Variants in STK32A observed in about 807,000 individuals in gnomAD.
STK32A encodes the protein serine/threonine kinase 32A.
In STK32A, 41 loss-of-function variants were observed where a neutral mutation model predicts 53.2. The ratio of observed to expected loss-of-function variants is 0.77; its 90% CI spans 0.60 to 1.00. The LOEUF is 1.00. Ranked by LOEUF, STK32A falls within the 50% of genes least tolerant of loss-of-function variation. The pLI is 0.00. For missense variants in STK32A, 458 were observed against 485.8 expected, an observed-to-expected ratio of 0.94 and a Z score of 0.54; for synonymous variants, 166 against 162.8, an observed-to-expected ratio of 1.02 and a Z score of -0.15.
chr5:147,296,370 A>C (rs1752865498), intron 4 of STK32A, among the ~76,000 whole-genome samples: 1 of 151,550 alleles, frequency 6.6e-6, no homozygotes, highest in Admixed American at 6.6e-5. Flanking sequence ...TTGGAGTTTT[A>C]TATGTTGGCA....
At chr5:147,320,746 T>C in intron 4 of STK32A, among the ~76,000 whole-genome samples, 1 of 152,190 alleles carries the variant, frequency 6.6e-6, no homozygotes, top group African/African-American at 2.4e-5. Flanking sequence ...AACCAGGTAC[T>C]GGACAGCATC....
At chr5:147,374,223 G>T in intron 10 of STK32A, among the ~76,000 whole-genome samples, 1 of 143,986 alleles carries the variant, frequency 6.9e-6, no homozygotes, top group Admixed American at 7.3e-5. Context: ...AGGAGTTTGA[G>T]GCTGCATGAG....
intron 11 of STK32A, among the ~76,000 whole-genome samples, chr5:147,376,975 T>A (rs1293830784): frequency 1.3e-5 from 2 of 152,128 alleles, no homozygotes; most frequent in Non-Finnish European, 2.9e-5. Flanking sequence ...CAAACTGACA[T>A]CTGTTATGAA....
At position 147,278,167 on chromosome 5, in the gene STK32A, C is replaced by A; in HGVS notation, c.96C>A (p.Gly32=). Residue 32 remains glycine (G), a synonymous_variant, in exon 3 of 13, where the codon GGC becomes GGA. Transcript: ENST00000397936. ...AAATTTTGCGAGCCATTGGGAAAGG[C>A]AGTTTTGGGAAGGTGAGAACAAATT... ...HFEILRAIGK[G]SFGKVCIVQK... is the part of the protein sequence containing the mutation. 1 of 1,600,064 alleles carries A rather than the reference C, an allele frequency of 6.2e-7. No individual in the cohort carries two copies.
At chr5:147,344,080 G>C (rs1465230152) in intron 6 of STK32A, among the ~76,000 whole-genome samples, 1 of 152,170 alleles carries the variant, frequency 6.6e-6, no homozygotes, top group Non-Finnish European at 1.5e-5. Context: ...AATGTTAACA[G>C]TGTCAATAAG....
the STK32A span, chr5:147,393,502 C>T: frequency 6.5e-6 from 1 of 153,386 alleles, no homozygotes; most frequent in African/African-American, 2.4e-5. Flanking sequence ...GTGACAGCTG[C>T]CACAGCGGCT....
Position 147,383,464 on chromosome 5 carries a change from T to C in STK32A, c.1056T>C (p.Leu352=). 1 of 1,598,906 alleles carries C rather than the reference T, an allele frequency of 6.3e-7. No homozygotes were observed. ...SSQTCLLQEH[L]DSVQKEFIIF... ...AGACATGTCTTCTTCAAGAGCACCT[T>C]GACTCTGTCCAGAAGGAGTTCATAA... The change falls in exon 12 of 13, where the codon CTT becomes CTC. Residue 352 remains leucine, a synonymous_variant. Transcript: ENST00000397936.
At chr5:147,401,836 C>T in the STK32A span, 9 of 961,158 alleles carry the variant, frequency 9.4e-6, no homozygotes, top group Non-Finnish European at 1.3e-5. Flanking sequence ...CATGTTCCCA[C>T]CTTTTTAAAG....
At chr5:147,260,677 C>T (rs1754522137) in intron 2 of STK32A, among the ~76,000 whole-genome samples, 1 of 152,102 alleles carries the variant, frequency 6.6e-6, no homozygotes, top group East Asian at 1.9e-4. Context: ...CTCTGATGGT[C>T]CTTTACACAC....
At chr5:147,259,422 T>G (rs1010029643) in intron 2 of STK32A, among the ~76,000 whole-genome samples, 1 of 152,172 alleles carries the variant, frequency 6.6e-6, no homozygotes, top group Non-Finnish European at 1.5e-5. Context: ...TGGTTGTCAG[T>G]GGCCTCAGTG....
At chr5:147,399,334 C>G in the STK32A span, 1 of 1,447,466 alleles carries the variant, frequency 6.9e-7, no homozygotes. Context: ...AGAAAGACAA[C>G]CCACAAAGGC....
intron 2 of STK32A, among the ~76,000 whole-genome samples, chr5:147,260,802 C>G (rs10077015): frequency 0.063 from 9,656 of 152,064 alleles, 1,072 homozygotes; most frequent in African/African-American, 0.22. Flanking sequence ...GCTAGGGAAC[C>G]GCAGAGAGGA....
At chr5:147,294,422 G>T (rs746265391) in intron 4 of STK32A, among the ~76,000 whole-genome samples, 2 of 151,172 alleles carry the variant, frequency 1.3e-5, no homozygotes, top group Admixed American at 6.6e-5. Flanking sequence ...CCACCATGCC[G>T]GGCTAATTTT....
At chr5:147,305,486 T>G (rs1162964579) in intron 4 of STK32A, among the ~76,000 whole-genome samples, 1 of 152,162 alleles carries the variant, frequency 6.6e-6, no homozygotes, top group African/African-American at 2.4e-5. Context: ...TGTTTTAGAC[T>G]TGGAGGCTGG....
intron 4 of STK32A, among the ~76,000 whole-genome samples, chr5:147,306,201 C>T: frequency 6.6e-6 from 1 of 151,872 alleles, no homozygotes; most frequent in East Asian, 1.9e-4. Context: ...TTTCTGGTGA[C>T]TTATGAGTTT....
chr5:147,398,673 G>A, the STK32A span, among the ~76,000 whole-genome samples: 1 of 152,268 alleles, frequency 6.6e-6, no homozygotes, highest in South Asian at 2.1e-4. Flanking sequence ...CAGGCACAAA[G>A]GATCATTGCA....
At position 147,387,824 on chromosome 5, in the gene STK32A, A is replaced by G. The variant is rs1465786172; in HGVS notation, c.*3841A>G. ...TAGCATATATAATATAAATGTGCCT[A>G]TGTGTATTAAAATGTCTTCTGTAAA... On this transcript the variant is annotated 3_prime_UTR_variant, in exon 13 of 13. Transcript: ENST00000397936. 6.6e-6 allele frequency: 1 copy of G among 152,190 alleles called. No homozygotes were observed. The highest frequency in any genetic ancestry group is 1.5e-5 in the Non-Finnish European group (1 of 68,042). 9.4% of individuals were successfully genotyped at this position (152,190 alleles called of 1,614,324 possible).
At chr5:147,314,514 AAACAAAAAAAAAC>A (rs1389890754) in intron 4 of STK32A, among the ~76,000 whole-genome samples, 725 of 10,450 alleles carry the variant, frequency 0.069, 85 homozygotes, top group African/African-American at 0.18. Flanking sequence ...AAACAAAAAA[AAACAAAAAAAAAC>A]AAAAAAAAAA....
chr5:147,285,717 T>A (rs190668851), intron 4 of STK32A, among the ~76,000 whole-genome samples: 93 of 151,956 alleles, frequency 6.1e-4, no homozygotes, highest in Non-Finnish European at 1.1e-3. Context: ...ATCAGGGAAA[T>A]GCAAATCAAA....
Sources: allele counts gnomAD v4.1 joint callset (sites outside exome capture counted in the v4.1 genomes callset), GRCh38; gene constraint gnomAD v4.1.1; transcripts MANE v1.5; gene names NCBI Gene and HGNC (gene_info 2026-07-23, HGNC 2026-07-21).